The following MPRIP variants were observed in gnomAD, a reference collection of about 807,000 sequenced individuals.
The protein encoded by MPRIP is myosin phosphatase Rho-interacting protein.
In MPRIP, 59 loss-of-function variants were observed where a neutral mutation model predicts 234.9. The ratio of observed to expected loss-of-function variants is 0.25; its 90% confidence interval spans 0.20 to 0.31. The LOEUF is 0.31. MPRIP is among the 10% of genes least tolerant of loss of function. The pLI is 1.00. For synonymous variants in MPRIP, 1,144 were observed against 1,263.9 expected, an observed-to-expected ratio of 0.91 and a Z score of 2.01; for missense variants, 2,436 against 3,071.0, an observed-to-expected ratio of 0.79 and a Z score of 4.89.
intron 2 of MPRIP, chr17:17,077,376 A>T (rs1451124898): frequency 6.5e-6 from 1 of 152,964 alleles, no homozygotes; most frequent in African/African-American, 2.4e-5. Context: ...TGGCTTTTGG[A>T]GGGAGAGTAG....
chr17:17,158,381 G>C, intron 13 of MPRIP, 51 bp from the exon 14 acceptor site: 2 of 1,482,386 alleles, frequency 1.3e-6, no homozygotes, highest in Non-Finnish European at 1.8e-6. Context: ...TGCCTGGCAG[G>C]CCACACCAGA....
At chr17:17,132,863 G>A (rs192144571) in intron 5 of MPRIP, among the ~76,000 whole-genome samples, 179 of 152,320 alleles carry the variant, frequency 1.2e-3, no homozygotes, top group African/African-American at 4.2e-3. Flanking sequence ...GCTTCCTGCT[G>A]GGGAACAGCA....
intron 1 of MPRIP, among the ~76,000 whole-genome samples, chr17:17,071,964 C>T (rs1341333932): frequency 1.3e-5 from 2 of 152,160 alleles, no homozygotes; most frequent in Admixed American, 6.5e-5. Flanking sequence ...CTAAGCCTAC[C>T]CACGCAGCAT....
rs1300120142 is a variant in MPRIP at position 17,167,480 on chromosome 17, G to A, written c.5889G>A (p.Glu1963=). 2 of 1,304,076 alleles carry A rather than the reference G, an allele frequency of 1.5e-6. No individual in the cohort carries two copies. Among genetic ancestry groups the A allele is most frequent in the Non-Finnish European group, 2.0e-6 (2 of 988,966 alleles). 80.8% of individuals were successfully genotyped at this position (1,304,076 alleles called of 1,614,324 possible). The change falls in exon 16 of 24, where the codon GAG becomes GAA. Residue 1963 remains glutamate (E), a synonymous_variant. Coordinates refer to ENST00000651222, the MANE Select transcript of MPRIP (RefSeq NM_001364716.4). The surrounding 1 kb of genome is among the most constrained non-coding windows in gnomAD (Gnocchi z 5.9). ...RCVVEQLTRT[E]STLQAERSRV... ...TGGTGGAGCAGCTGACCAGGACCGA[G>A]AGCACACTGCAGGCTGAGCGCAGCC...
rs541624608 is a variant in MPRIP at position 17,056,046 on chromosome 17, G to A, written c.123+13075G>A. 2.6e-5 allele frequency among the ~76,000 whole-genome samples: 4 copies of A among 152,332 alleles called. No homozygotes were observed. The South Asian group carries it at 8.3e-4, about 32-fold the overall frequency. On this transcript the variant is annotated intron_variant, in intron 1 of 23. Transcript: ENST00000651222. ...GGCCTTCCCTGTCTCCACATGACTC[G>A]AGAGGACTGAGCTTGGCCTTGAGAC...
At chr17:17,085,413 C>T (rs2089565360) in intron 3 of MPRIP, among the ~76,000 whole-genome samples, 1 of 152,240 alleles carries the variant, frequency 6.6e-6, no homozygotes, top group Non-Finnish European at 1.5e-5. Flanking sequence ...CCCCCGCAGG[C>T]CCTCCCCATG....
intron 3 of MPRIP, among the ~76,000 whole-genome samples, chr17:17,120,548 G>A (rs2090369533): frequency 6.6e-6 from 1 of 152,152 alleles, no homozygotes; most frequent in Non-Finnish European, 1.5e-5. Flanking sequence ...ACAATCTGCA[G>A]CCTGTAGCAA....
intron 3 of MPRIP, among the ~76,000 whole-genome samples, chr17:17,093,359 C>T (rs2089764071): frequency 6.6e-6 from 1 of 152,164 alleles, no homozygotes; most frequent in Non-Finnish European, 1.5e-5. Flanking sequence ...TATGTATAAA[C>T]ACACCTAAAG....
At chr17:17,180,731 C>A in intron 23 of MPRIP, 1 of 1,475,514 alleles carries the variant, frequency 6.8e-7, no homozygotes, top group South Asian at 1.1e-5. Context: ...ACGCCTGTGT[C>A]ATGGTTACTT....
intron 12 of MPRIP, among the ~76,000 whole-genome samples, chr17:17,150,940 G>A (rs1384715722): frequency 2.6e-5 from 4 of 151,826 alleles, no homozygotes; most frequent in South Asian, 2.1e-4. Flanking sequence ...CGAAATCCTA[G>A]ACTCTAACGA....
intron 15 of MPRIP, among the ~76,000 whole-genome samples, chr17:17,162,653 GC>G (rs2045898508): frequency 6.6e-6 from 1 of 152,152 alleles, no homozygotes; most frequent in African/African-American, 2.4e-5. Context: ...TCTTGATTGG[GC>G]CTCATCCTAT....
At chr17:17,081,827 A>G (rs1405735679) in intron 3 of MPRIP, among the ~76,000 whole-genome samples, 1 of 152,064 alleles carries the variant, frequency 6.6e-6, no homozygotes, top group East Asian at 1.9e-4. Flanking sequence ...TTCTCGATAC[A>G]CCCACGTACC....
chr17:17,088,443 G>T (rs904802134), intron 3 of MPRIP, among the ~76,000 whole-genome samples: 1 of 152,242 alleles, frequency 6.6e-6, no homozygotes. Flanking sequence ...AACTAATTAA[G>T]TAAGAGCGGG....
chr17:17,084,766 C>A (rs1180334862), intron 3 of MPRIP, among the ~76,000 whole-genome samples: 1 of 152,204 alleles, frequency 6.6e-6, no homozygotes, highest in Non-Finnish European at 1.5e-5. Flanking sequence ...TAGTAGCTGA[C>A]CTGTGTCTTT....
intron 3 of MPRIP, among the ~76,000 whole-genome samples, chr17:17,090,113 C>T (rs1232035802): frequency 6.6e-6 from 1 of 152,156 alleles, no homozygotes. Context: ...GTGTTTCTCA[C>T]GTGTGAGGTG....
rs1444438265 is a variant in MPRIP at position 17,166,163 on chromosome 17, C to T, written c.4572C>T (p.Ala1524=). The T allele has an allele frequency of 7.7e-7, 1 of 1,302,690 alleles. No individual in the cohort carries two copies. Among genetic ancestry groups the T allele is most frequent in the Non-Finnish European group, 1.0e-6 (1 of 988,180 alleles). 80.7% of individuals were successfully genotyped at this position (1,302,690 alleles called of 1,614,324 possible). ...TCCAAGCCCTGCAGCACTGGCCGGCCCCAGCCCATGGCGGGGCCCGTGCAC... is the reference window on the plus strand; with the variant it reads ...TCCAAGCCCTGCAGCACTGGCCGGCTCCAGCCCATGGCGGGGCCCGTGCAC... The part of the protein sequence containing the change: ...SAIQALQHWP[A]PAHGGARAQL... The change falls in exon 16 of 24, where the codon GCC becomes GCT. Residue 1524 remains alanine, a synonymous_variant. Transcript: ENST00000651222. This position sits in a 1 kb window ranked among gnomAD's most constrained non-coding sequence, Gnocchi z 4.4.
chr17:17,142,826 C>T, intron 8 of MPRIP, 61 bp downstream of exon 8: 1 of 1,572,364 alleles, frequency 6.4e-7, no homozygotes, highest in Non-Finnish European at 8.6e-7. Flanking sequence ...AGCATGCACC[C>T]CATGCGCCAA....
intron 13 of MPRIP, 27 bp from the exon 14 acceptor site, chr17:17,158,405 G>A (rs1247261786): frequency 1.3e-6 from 2 of 1,527,762 alleles, no homozygotes; most frequent in Non-Finnish European, 1.8e-6. Context: ...GCCCCTGACA[G>A]GCTATGTCCA....
At chr17:17,092,851 G>GC (rs2144154844) in intron 3 of MPRIP, among the ~76,000 whole-genome samples, 1 of 152,310 alleles carries the variant, frequency 6.6e-6, no homozygotes, top group African/African-American at 2.4e-5. Context: ...TTCTGTCGTG[G>GC]CCCCCACTGG....
Sources: gnomAD v4.1 joint callset for allele counts (sites outside exome capture counted in the v4.1 genomes callset) on GRCh38, gnomAD v4.1.1 for gene constraint, Gnocchi (gnomAD v3.1) non-coding constraint, MANE v1.5 for transcripts, NCBI Gene and HGNC (gene_info 2026-07-23, HGNC 2026-07-21) for gene names.